The following CDH2 variants were observed in gnomAD, a reference collection of about 807,000 sequenced individuals.
CDH2 encodes the protein cadherin-2.
A neutral mutation model predicts 92.0 loss-of-function variants in CDH2; 17 were observed. That is an observed-to-expected ratio of 0.18 (90% CI 0.13 to 0.28). The LOEUF (loss-of-function observed/expected upper bound fraction) is 0.28. CDH2 is among the 10% of genes least tolerant of loss of function. The pLI is 1.00. For missense variants in CDH2, 862 were observed against 1,133.1 expected (o/e 0.76, Z 3.44); for synonymous variants, 419 against 415.9 (o/e 1.01, Z -0.09).
At chr18:28,019,737 C>T (rs774676359) in intron 2 of CDH2, among the ~76,000 whole-genome samples, 3 of 152,182 alleles carry the variant, frequency 2.0e-5, no homozygotes, top group Middle Eastern at 3.4e-3. Flanking sequence ...TCTGTTATTA[C>T]GATTTTCAGA....
intron 14 of CDH2, among the ~76,000 whole-genome samples, chr18:27,977,576 T>C (rs1317820531): frequency 6.6e-6 from 1 of 152,228 alleles, no homozygotes; most frequent in East Asian, 1.9e-4. Context: ...GCAGGAAGAA[T>C]AGGAATCTCA....
At chr18:28,107,728 A>G (rs942367224) in intron 2 of CDH2, among the ~76,000 whole-genome samples, 4 of 152,126 alleles carry the variant, frequency 2.6e-5, no homozygotes, top group Admixed American at 1.3e-4. Context: ...TGTCAAAAAT[A>G]GTATGTTTTC....
chr18:27,936,056 G>A (rs113874841), intron 6 of CDH2, among the ~76,000 whole-genome samples: 98 of 152,230 alleles, frequency 6.4e-4, no homozygotes, highest in African/African-American at 2.3e-3. Flanking sequence ...GATGTGTTTG[G>A]TTTTATGTTT....
At chr18:28,028,177 A>G (rs958996112) in intron 2 of CDH2, among the ~76,000 whole-genome samples, 2 of 152,148 alleles carry the variant, frequency 1.3e-5, no homozygotes, top group Non-Finnish European at 2.9e-5. Context: ...AAAAACCTAA[A>G]CTAAATTAAA....
chr18:27,985,078 C>T lies in CDH2; in HGVS notation c.2131G>A (p.Asp711Asn). The T allele has an allele frequency of 6.2e-7, 1 of 1,614,188 alleles. No homozygotes were observed. ...CQCDSNGDCT[D>N]VDRIVGAGLG... ...CCCGCACCCACAATCCTGTCCACAT[C>T]TGTGCAGTCCCCGTTGGAGTCACAC... Residue 711 changes from aspartate to asparagine, a missense_variant, in exon 13 of 16, where the codon GAT (aspartate) becomes AAT (asparagine). This residue lies in a region of CDH2 where 564 missense variants were observed against 722.2 expected (regional missense o/e 0.78). Transcript: ENST00000269141.
chr18:28,175,171 T>C (rs1450179197), intron 1 of CDH2, among the ~76,000 whole-genome samples: 2 of 152,188 alleles, frequency 1.3e-5, no homozygotes, highest in Admixed American at 6.5e-5. Context: ...GGCGGTTTTA[T>C]AACAGGAGGT....
At chr18:28,033,708 A>G (rs1157529873) in intron 2 of CDH2, among the ~76,000 whole-genome samples, 1 of 152,122 alleles carries the variant, frequency 6.6e-6, no homozygotes, top group Admixed American at 6.6e-5. Context: ...ATGTGATTAT[A>G]AAGAAATAGG....
At chr18:28,139,026 C>G (rs1480579684) in intron 2 of CDH2, among the ~76,000 whole-genome samples, 3 of 152,016 alleles carry the variant, frequency 2.0e-5, no homozygotes, top group Non-Finnish European at 4.4e-5. Flanking sequence ...TTGAACACCA[C>G]AAGGCTTTCA....
chr18:28,095,307 G>A (rs1020265597), intron 2 of CDH2, among the ~76,000 whole-genome samples: 1 of 152,192 alleles, frequency 6.6e-6, no homozygotes, highest in Non-Finnish European at 1.5e-5. Flanking sequence ...AGGGTCGGGT[G>A]CAATGGCTCA....
At chr18:28,172,868 C>A (rs568264458) in intron 1 of CDH2, among the ~76,000 whole-genome samples, 14 of 151,860 alleles carry the variant, frequency 9.2e-5, no homozygotes, top group Non-Finnish European at 1.8e-4. Context: ...TCATAATAAC[C>A]CCTTGAAAAG....
At chr18:27,984,258 G>A (rs549993972) in intron 13 of CDH2, among the ~76,000 whole-genome samples, 46 of 152,296 alleles carry the variant, frequency 3.0e-4, no homozygotes, top group African/African-American at 9.1e-4. Flanking sequence ...TAGCATGATC[G>A]CACAATAAAC....
chr18:27,985,440 G>T, intron 12 of CDH2, 88 bp downstream of exon 12: 1 of 946,972 alleles, frequency 1.1e-6, no homozygotes, highest in South Asian at 1.7e-5. Context: ...ATAATGAGAA[G>T]ATTATGAAGC....
chr18:27,967,722 T>C (rs947657880), intron 14 of CDH2, among the ~76,000 whole-genome samples: 1 of 152,126 alleles, frequency 6.6e-6, no homozygotes, highest in African/African-American at 2.4e-5. Flanking sequence ...TTGAGAATAT[T>C]AACACTGCAA....
intron 2 of CDH2, among the ~76,000 whole-genome samples, chr18:28,050,916 T>G (rs547071589): frequency 1.2e-4 from 19 of 152,236 alleles, no homozygotes; most frequent in Non-Finnish European, 1.6e-4. Context: ...GATAATTCAG[T>G]CTTGATAAGG....
intron 6 of CDH2, among the ~76,000 whole-genome samples, chr18:27,942,746 T>G (rs1417900377): frequency 6.6e-6 from 1 of 152,176 alleles, no homozygotes; most frequent in Non-Finnish European, 1.5e-5. Flanking sequence ...TTTCCAAAAT[T>G]GTTCAGCTTA....
intron 2 of CDH2, among the ~76,000 whole-genome samples, chr18:28,052,180 C>CA (rs1367865174): frequency 6.6e-6 from 1 of 152,040 alleles, no homozygotes; most frequent in African/African-American, 2.4e-5. Flanking sequence ...ACATTTCCTC[C>CA]AAAAAATTAA....
chr18:28,165,911 T>C (rs1359567576), intron 1 of CDH2, among the ~76,000 whole-genome samples: 1 of 151,620 alleles, frequency 6.6e-6, no homozygotes, highest in South Asian at 2.1e-4. Flanking sequence ...AAATGTATTA[T>C]TGTGTGTATA....
chr18:27,946,540 A>T (rs1257363240), downstream of CDH2, among the ~76,000 whole-genome samples: 1 of 152,026 alleles, frequency 6.6e-6, no homozygotes, highest in Non-Finnish European at 1.5e-5. Context: ...AAGAAAACCT[A>T]TCCCCAAAAT....
chr18:27,998,332 A>G (rs1269694733), intron 7 of CDH2, among the ~76,000 whole-genome samples: 1 of 152,226 alleles, frequency 6.6e-6, no homozygotes, highest in Non-Finnish European at 1.5e-5. Context: ...TAGTCCTCAC[A>G]ATAATCCTAT....
Sources: gnomAD v4.1 joint callset for allele counts (sites outside exome capture counted in the v4.1 genomes callset) on GRCh38, gnomAD v4.1.1 for gene constraint, gnomAD v4.1.1 regional missense constraint, MANE v1.5 for transcripts, NCBI Gene and HGNC (gene_info 2026-07-23, HGNC 2026-07-21) for gene names.